HDAC5: variants seen among roughly 807,000 people sequenced by gnomAD.
The protein encoded by HDAC5 is histone deacetylase 5, also known as antigen NY-CO-9.
A neutral mutation model predicts 133.3 loss-of-function variants in HDAC5; 25 were observed. The observed-to-expected ratio is 0.19, with a 90% confidence interval of 0.14 to 0.26. The LOEUF is 0.26. Among genes scored for constraint, HDAC5 ranks in the 10% least tolerant of loss-of-function variants. HDAC5 has a pLI of 1.00. For missense variants in HDAC5, 1,041 were observed against 1,460.5 expected, an observed-to-expected ratio of 0.71 and a Z score of 4.68; for synonymous variants, 589 against 610.8, an observed-to-expected ratio of 0.96 and a Z score of 0.53.
rs2051012904 is a variant in HDAC5, at chr17:44,092,660, T to TA, written c.772+15_772+16insT. On this transcript the variant is annotated intron_variant, in intron 7 of 26. Coordinates refer to ENST00000682912, the MANE Select transcript of HDAC5 (RefSeq NM_005474.5). ...AGGAGCCATATTCTGGGAGGCCAGGTGGGGGACTCACTCACCTGTTTTGCG... is the reference window on the plus strand; with the variant it reads ...AGGAGCCATATTCTGGGAGGCCAGGTAGGGGGACTCACTCACCTGTTTTGCG... The TA allele has an allele frequency of 6.6e-7, 1 of 1,524,572 alleles. No homozygotes were observed. Among genetic ancestry groups the TA allele is most frequent in the Non-Finnish European group, 8.8e-7 (1 of 1,133,790 alleles). 94.4% of individuals were successfully genotyped at this position (1,524,572 alleles called of 1,614,324 possible).
intron 3 of HDAC5, among the ~76,000 whole-genome samples, chr17:44,103,870 G>A (rs557138309): frequency 4.6e-5 from 7 of 151,928 alleles, no homozygotes; most frequent in East Asian, 2.0e-4. Flanking sequence ...CACCATGCCC[G>A]GCTAATTTTG....
At chr17:44,082,513 G>A (rs1343442210) in intron 20 of HDAC5, 72 bp downstream of exon 20, 2 of 1,215,352 alleles carry the variant, frequency 1.6e-6, no homozygotes, top group Non-Finnish European at 1.2e-6. Flanking sequence ...GCTGGGGGAG[G>A]AGACTTCCTG....
intron 11 of HDAC5, 75 bp from the exon 12 acceptor site, chr17:44,088,673 C>T (rs973718147): frequency 6.5e-7 from 1 of 1,531,258 alleles, no homozygotes; most frequent in Non-Finnish European, 8.8e-7. Context: ...CTGCATCTTG[C>T]CCCCACAACC....
At chr17:44,105,891 C>T (rs1410349038) in intron 3 of HDAC5, among the ~76,000 whole-genome samples, 1 of 152,336 alleles carries the variant, frequency 6.6e-6, no homozygotes, top group East Asian at 1.9e-4. Flanking sequence ...TCAGTCTACT[C>T]GCATCAGAAT....
chr17:44,083,094 T>C (rs890824063), intron 18 of HDAC5, among the ~76,000 whole-genome samples: 6 of 152,030 alleles, frequency 3.9e-5, no homozygotes. Context: ...TCCTTCCACC[T>C]CAGTCTCCTG....
chr17:44,094,537 T>C (rs530466051), intron 3 of HDAC5, among the ~76,000 whole-genome samples: 36 of 150,984 alleles, frequency 2.4e-4, no homozygotes, highest in Non-Finnish European at 4.7e-4. Context: ...CTCAGGAGGC[T>C]GAGGCAGGAG....
chr17:44,118,396 G>A (rs998546994), intron 1 of HDAC5, among the ~76,000 whole-genome samples: 1 of 152,174 alleles, frequency 6.6e-6, no homozygotes, highest in Admixed American at 6.5e-5. Context: ...AAGGAGGTCT[G>A]GCCCAGGGAG....
Position 44,117,471 on chromosome 17 carries a change from T to C in HDAC5, c.22+23A>G. 2.5e-6 allele frequency: 4 copies of C among 1,614,140 alleles called. No individual in the cohort carries two copies. Among genetic ancestry groups the C allele is most frequent in the Non-Finnish European group, 3.4e-6 (4 of 1,179,984 alleles). ...CATCCGAAGCTACCCCAGGGTGCTC[T>C]TCTCCAACCTCCCAGCTCTTACCCG... On this transcript the variant is annotated intron_variant, in intron 2 of 26. Coordinates refer to ENST00000682912, the MANE Select transcript of HDAC5 (RefSeq NM_005474.5). The surrounding 1 kb of genome is among the most constrained non-coding windows in gnomAD (Gnocchi z 4.2).
intron 3 of HDAC5, among the ~76,000 whole-genome samples, chr17:44,108,807 A>G (rs575294187): frequency 4.2e-4 from 63 of 150,190 alleles, no homozygotes; most frequent in African/African-American, 1.3e-3. Context: ...CTCCAGGCCT[A>G]TATCTGTCCC....
chr17:44,114,440 G>C (rs55802445), intron 2 of HDAC5, among the ~76,000 whole-genome samples: 29 of 142,950 alleles, frequency 2.0e-4, no homozygotes, highest in East Asian at 9.7e-4. Flanking sequence ...GCAGGCGTGG[G>C]GGGGGGGGGC....
At chr17:44,082,021 G>GC (rs1259577462) in intron 20 of HDAC5, 1 of 152,352 alleles carries the variant, frequency 6.6e-6, no homozygotes. Flanking sequence ...GTGTGCCTCT[G>GC]CCTCCACCAT....
At chr17:44,089,524 C>G (rs1278369254) in intron 11 of HDAC5, among the ~76,000 whole-genome samples, 1 of 152,042 alleles carries the variant, frequency 6.6e-6, no homozygotes, top group Non-Finnish European at 1.5e-5. Flanking sequence ...GCGGGTGGAC[C>G]ATCTGAGGTC....
intron 3 of HDAC5, among the ~76,000 whole-genome samples, chr17:44,102,228 G>GT (rs1567676600): frequency 6.6e-6 from 1 of 152,240 alleles, no homozygotes; most frequent in Non-Finnish European, 1.5e-5. Context: ...GCATGAGGAC[G>GT]TATCTACCCA....
At chr17:44,083,125 C>T (rs2050475226) in intron 18 of HDAC5, among the ~76,000 whole-genome samples, 1 of 152,220 alleles carries the variant, frequency 6.6e-6, no homozygotes, top group African/African-American at 2.4e-5. Flanking sequence ...ACTACAAGCA[C>T]ACGCCACCAC....
At chr17:44,106,363 C>G (rs1361665494) in intron 3 of HDAC5, among the ~76,000 whole-genome samples, 1 of 152,170 alleles carries the variant, frequency 6.6e-6, no homozygotes, top group Non-Finnish European at 1.5e-5. Context: ...CCCCAGGAGG[C>G]CCCCAAGGCT....
intron 14 of HDAC5, 96 bp downstream of exon 14, chr17:44,086,476 G>A (rs985669215): frequency 9.1e-7 from 1 of 1,100,192 alleles, no homozygotes; most frequent in Non-Finnish European, 1.2e-6. Flanking sequence ...GGTGCCTAAG[G>A]GGCCCCAGCA....
Position 44,117,452 on chromosome 17 carries a change from A to C in HDAC5, c.22+42T>G, listed in dbSNP as rs973731205. 6.2e-7 allele frequency: 1 copy of C among 1,612,584 alleles called. No homozygotes were observed. The highest frequency in any genetic ancestry group is 8.5e-7 in the Non-Finnish European group (1 of 1,178,616). ...AAACCCACACAGCCCATTGCATCCG[A>C]AGCTACCCCAGGGTGCTCTTCTCCA... On this transcript the variant is annotated intron_variant, in intron 2 of 26. Coordinates refer to ENST00000682912, the MANE Select transcript of HDAC5 (RefSeq NM_005474.5). The surrounding 1 kb of genome is among the most constrained non-coding windows in gnomAD (Gnocchi z 4.2).
In HDAC5 at chr17:44,086,593, C is replaced by T. The variant is rs369058917; in HGVS notation, c.2029G>A (p.Val677Ile). ...TCACCTGTGGTGAAGAGGTGCTTGA[C>T]GGGCTGGTCTGGGGGGCTCTTCATG... ...GGMKSPPDQP[V>I]KHLFTTGVVY... The change falls in exon 14 of 27, where the codon GTC becomes ATC. Residue 677 changes from valine (V) to isoleucine (I), a missense_variant. Around this residue, in one of 9 missense-constraint regions of HDAC5, gnomAD observed 433 missense variants for 531.6 expected, o/e 0.81. Transcript: ENST00000682912. The T allele has an allele frequency of 1.0e-5, 13 of 1,304,588 alleles. No individual in the cohort carries two copies. The South Asian group carries it at 1.0e-4, about 10-fold the overall frequency. The allele number at this position is 1,304,588 out of a possible 1,614,324, so 80.8% of individuals were successfully genotyped here.
chr17:44,082,720 G>GC, intron 19 of HDAC5, 45 bp downstream of exon 19: 1 of 1,610,012 alleles, frequency 6.2e-7, no homozygotes, highest in Non-Finnish European at 8.5e-7. Flanking sequence ...CATGACGTTT[G>GC]CAAGAGACAG....
Sources: gnomAD v4.1 joint callset for allele counts (sites outside exome capture counted in the v4.1 genomes callset) on GRCh38, gnomAD v4.1.1 for gene constraint, gnomAD v4.1.1 regional missense constraint, Gnocchi (gnomAD v3.1) non-coding constraint, MANE v1.5 for transcripts, NCBI Gene and HGNC (gene_info 2026-07-23, HGNC 2026-07-21) for gene names.